HYDIN: variants seen among roughly 807,000 people sequenced by gnomAD.
The protein encoded by HYDIN is axonemal central pair apparatus protein HYDIN.
A neutral mutation model predicts 403.9 loss-of-function variants in HYDIN; 132 were observed. The observed-to-expected ratio is 0.33, with a 90% CI of 0.28 to 0.38. The LOEUF (loss-of-function observed/expected upper bound fraction) is 0.38. HYDIN is among the 10% of genes least tolerant of loss of function. The pLI, the probability that HYDIN is intolerant of heterozygous loss-of-function variation, is 1.00. For missense variants in HYDIN, 2,827 were observed against 5,009.5 expected (o/e 0.56, Z 13.15); for synonymous variants, 1,202 against 1,891.7 (o/e 0.64, Z 9.46).
In HYDIN at chr16:70,883,996, G is replaced by T; in HGVS notation, c.9903C>A (p.Ile3301=). 3.1e-6 allele frequency: 5 copies of T among 1,614,168 alleles called. No individual in the cohort carries two copies. Among genetic ancestry groups the T allele is most frequent in the Non-Finnish European group, 4.2e-6 (5 of 1,180,044 alleles). ...AMGKCEEFIA[I]DISGRDPAVH... is the part of the protein sequence containing the mutation. Reference sequence around the variant, plus strand: ...CTGCAGGGTCTCGGCCGGAGATATCGATGGCTATAAACTCCTCACACTTTC... The same window carrying T: ...CTGCAGGGTCTCGGCCGGAGATATCTATGGCTATAAACTCCTCACACTTTC... Residue 3301 remains isoleucine, a synonymous_variant, in exon 59 of 86, where the codon ATC becomes ATA. Coordinates refer to ENST00000393567, the MANE Select transcript of HYDIN (RefSeq NM_001270974.2).
At chr16:71,198,223 C>T (rs1328821682) in intron 1 of HYDIN, among the ~76,000 whole-genome samples, 4 of 152,292 alleles carry the variant, frequency 2.6e-5, no homozygotes. Context: ...TAATAATCCA[C>T]CATTTGAATT....
intron 1 of HYDIN, among the ~76,000 whole-genome samples, chr16:71,208,058 A>G (rs1012436292): frequency 7.9e-5 from 12 of 152,232 alleles, no homozygotes; most frequent in African/African-American, 2.4e-4. Flanking sequence ...TCAACACTAG[A>G]TCAAATGGAC....
chr16:71,183,068 G>T (rs1489055988), intron 3 of HYDIN, among the ~76,000 whole-genome samples: 1 of 151,972 alleles, frequency 6.6e-6, no homozygotes. Context: ...GTGATAATGG[G>T]GGCAGAGGGA....
intron 8 of HYDIN, chr16:71,132,016 C>A (rs1460366314): frequency 2.7e-5 from 4 of 147,598 alleles, no homozygotes; most frequent in African/African-American, 1.0e-4. Flanking sequence ...AATAAAAAAG[C>A]AAAAGAAAAA....
intron 1 of HYDIN, among the ~76,000 whole-genome samples, chr16:71,230,298 C>G (rs1359067694): frequency 6.6e-6 from 1 of 152,170 alleles, no homozygotes; most frequent in Non-Finnish European, 1.5e-5. Context: ...GGGCTAATTC[C>G]AAGTTGGAAG....
chr16:71,104,219 G>A (rs1404491387), intron 10 of HYDIN, among the ~76,000 whole-genome samples: 1 of 151,810 alleles, frequency 6.6e-6, no homozygotes, highest in Non-Finnish European at 1.5e-5. Context: ...TTAATGAGTA[G>A]CCAGGGGGAT....
At chr16:71,098,264 C>G (rs920273677) in intron 10 of HYDIN, among the ~76,000 whole-genome samples, 8 of 146,618 alleles carry the variant, frequency 5.5e-5, no homozygotes, top group Admixed American at 7.0e-5. Context: ...TGCAGTGGTG[C>G]GATCTCGGCT....
chr16:71,037,081 C>G (rs1380281844), intron 18 of HYDIN, among the ~76,000 whole-genome samples: 1 of 151,242 alleles, frequency 6.6e-6, no homozygotes. Flanking sequence ...CTGCTGCTTT[C>G]CAGCTGTGGA....
chr16:71,157,144 T>C (rs8058878), intron 6 of HYDIN, among the ~76,000 whole-genome samples: 3 of 151,878 alleles, frequency 2.0e-5, no homozygotes, highest in South Asian at 2.1e-4. Flanking sequence ...ATCCTTCCAT[T>C]TGAGAAGCTC....
chr16:71,051,526 G>T (rs2081638005), intron 18 of HYDIN, among the ~76,000 whole-genome samples: 2 of 151,900 alleles, frequency 1.3e-5, no homozygotes, highest in South Asian at 4.2e-4. Context: ...GGCGCCTGTA[G>T]TCCCAGCTAC....
chr16:71,107,205 G>A (rs527293375), intron 10 of HYDIN, among the ~76,000 whole-genome samples: 2 of 151,376 alleles, frequency 1.3e-5, no homozygotes, highest in East Asian at 1.9e-4. Flanking sequence ...GTTAAATGAC[G>A]AGTTAATGGG....
At chr16:71,192,454 C>T (rs969634234) in intron 1 of HYDIN, among the ~76,000 whole-genome samples, 9 of 152,178 alleles carry the variant, frequency 5.9e-5, no homozygotes, top group African/African-American at 2.2e-4. Context: ...ACTCTCCACA[C>T]TCCTTAGCAT....
chr16:71,152,734 T>C lies in HYDIN; in HGVS notation c.766A>G (p.Met256Val), dbSNP rs746779266. The change falls in exon 7 of 86, where the codon ATG becomes GTG. Residue 256 changes from methionine to valine, a missense_variant. Transcript: ENST00000393567. Reference protein sequence around the residue: ...AIGTLNVGESMQLEVEFEPQS... With the variant: ...AIGTLNVGESVQLEVEFEPQS... ...GGCTCAAACTCCACTTCCAGTTGCA[T>C]GGACTCTCCCACATTAAGAGTTCCA... 8 of 1,327,312 alleles carry C rather than the reference T, an allele frequency of 6.0e-6. No individual in the cohort carries two copies. Among genetic ancestry groups the C allele is most frequent in the Middle Eastern group, 1.8e-4 (1 of 5,496 alleles). 82.2% of individuals were successfully genotyped at this position (1,327,312 alleles called of 1,614,324 possible). A position where few individuals can be genotyped will look rare whatever the true frequency, so the allele number is the denominator to read the frequency against.
At chr16:70,996,299 T>C (rs1483709626) in intron 23 of HYDIN, among the ~76,000 whole-genome samples, 4 of 152,142 alleles carry the variant, frequency 2.6e-5, no homozygotes, top group African/African-American at 9.7e-5. Flanking sequence ...TCCACTACAG[T>C]GTTGTAGGAT....
At chr16:70,836,667 T>A (rs2037447592) in intron 77 of HYDIN, among the ~76,000 whole-genome samples, 1 of 152,194 alleles carries the variant, frequency 6.6e-6, no homozygotes, top group Non-Finnish European at 1.5e-5. Flanking sequence ...CTGGTCACTG[T>A]CATGGTCAGT....
chr16:70,818,074 G>GA (rs1343807286), intron 84 of HYDIN, among the ~76,000 whole-genome samples: 1 of 152,180 alleles, frequency 6.6e-6, no homozygotes, highest in Admixed American at 6.5e-5. Context: ...GAAAAAACAA[G>GA]AAAAATACTT....
At chr16:70,895,446 T>TG (rs2076173806) in intron 54 of HYDIN, among the ~76,000 whole-genome samples, 1 of 151,590 alleles carries the variant, frequency 6.6e-6, no homozygotes, top group African/African-American at 2.4e-5. Context: ...CAACGTGAGA[T>TG]GGAGTTGGCC....
Position 70,877,790 on chromosome 16 carries a change from CA to C in HYDIN, c.10557+1506del, listed in dbSNP as rs527243458. 1.3e-3 allele frequency among the ~76,000 whole-genome samples: 192 copies of C among 152,266 alleles called. 1 individual carries two copies. The highest frequency in any genetic ancestry group is 2.5e-3 in the Admixed American group (39 of 15,298). ...GGGGTTGGGGACCCCTCTCTTAAAA[CA>C]TTTTAGGCTTATAGCTGACAACTCA... On this transcript the variant is annotated intron_variant, in intron 62 of 85. Transcript: ENST00000393567.
At chr16:70,930,862 A>C (rs2077299398) in intron 45 of HYDIN, among the ~76,000 whole-genome samples, 1 of 152,226 alleles carries the variant, frequency 6.6e-6, no homozygotes, top group Non-Finnish European at 1.5e-5. Context: ...AACATTAAAA[A>C]ATTTCAGGAT....
Sources: gnomAD v4.1 joint callset for allele counts (sites outside exome capture counted in the v4.1 genomes callset) on GRCh38, gnomAD v4.1.1 for gene constraint, MANE v1.5 for transcripts, NCBI Gene and HGNC (gene_info 2026-07-23, HGNC 2026-07-21) for gene names.